Variants in CREBRF observed in about 807,000 individuals in gnomAD.
The protein encoded by CREBRF is CREB3 regulatory factor.
In CREBRF, 5 loss-of-function variants were observed where a neutral mutation model predicts 66.1. The observed-to-expected ratio is 0.08, with a 90% CI of 0.04 to 0.16. The LOEUF is 0.16. Among genes scored for constraint, CREBRF ranks in the 10% least tolerant of loss-of-function variants. CREBRF has a pLI of 1.00. For missense variants in CREBRF, 531 were observed against 744.9 expected (o/e 0.71, Z 3.34); for synonymous variants, 229 against 264.4 (o/e 0.87, Z 1.30).
At chr5:173,057,455 T>G (rs1757105662) in intron 1 of CREBRF, 1 of 152,162 alleles carries the variant, frequency 6.6e-6, no homozygotes, top group Non-Finnish European at 1.5e-5. Flanking sequence ...CCCGCCTTTC[T>G]CCTCACACGA....
At chr5:173,057,877 A>T (rs536436794) in intron 1 of CREBRF, among the ~76,000 whole-genome samples, 1 of 146,534 alleles carries the variant, frequency 6.8e-6, no homozygotes, top group Non-Finnish European at 1.5e-5. Flanking sequence ...TCCTAGTCTT[A>T]GTAGTAATTT....
intron 8 of CREBRF, among the ~76,000 whole-genome samples, 194 bp from the exon 9 acceptor site, chr5:173,133,436 A>T (rs1581057364): frequency 1.3e-5 from 2 of 152,166 alleles, no homozygotes; most frequent in East Asian, 3.8e-4. Context: ...TGACTTTTCT[A>T]ATCTTAAAAT....
chr5:173,073,886 G>A (rs1414735243), intron 1 of CREBRF, among the ~76,000 whole-genome samples: 1 of 152,210 alleles, frequency 6.6e-6, no homozygotes, highest in Admixed American at 6.5e-5. Context: ...AGAATTGCTT[G>A]AACCTGGGAG....
In CREBRF at chr5:173,086,527, T is replaced by C; in HGVS notation, c.36T>C (p.Pro12=). Residue 12 remains proline (P), a synonymous_variant, in exon 3 of 9, where the codon CCT becomes CCC. Coordinates refer to ENST00000296953, the MANE Select transcript of CREBRF (RefSeq NM_153607.3). ...PQPSVSGMDP[P]FGDAFRSHTF... is the part of the protein sequence containing the mutation. The stretch of plus-strand genomic sequence containing the variant: ...CTAGTGTAAGCGGAATGGATCCGCC[T>C]TTCGGGGATGCCTTTCGAAGCCACA... 1 of 1,614,112 alleles carries C rather than the reference T, an allele frequency of 6.2e-7. No individual in the cohort carries two copies. Among genetic ancestry groups the C allele is most frequent in the Non-Finnish European group, 8.5e-7 (1 of 1,179,984 alleles).
intron 4 of CREBRF, among the ~76,000 whole-genome samples, chr5:173,096,158 G>A (rs752813236): frequency 1.2e-3 from 181 of 151,710 alleles, no homozygotes; most frequent in Non-Finnish European, 2.2e-3. Context: ...TTTAGTAGAG[G>A]CGGGGTTTCA....
intron 5 of CREBRF, 169 bp downstream of exon 5, chr5:173,108,987 C>A (rs1054916516): frequency 4.6e-5 from 28 of 609,178 alleles, no homozygotes; most frequent in Admixed American, 1.6e-4. Context: ...TCACAAATAG[C>A]TTTTACCAGT....
chr5:173,078,294 T>C (rs1757831612), intron 1 of CREBRF, among the ~76,000 whole-genome samples: 1 of 152,176 alleles, frequency 6.6e-6, no homozygotes, highest in Admixed American at 6.5e-5. Context: ...TGATGAATGT[T>C]AGATGATTCG....
chr5:173,121,523 C>T (rs1188093043), intron 7 of CREBRF, among the ~76,000 whole-genome samples: 4 of 151,924 alleles, frequency 2.6e-5, no homozygotes, highest in South Asian at 2.1e-4. Flanking sequence ...AGGGTTTCAC[C>T]GTGTTAGCCA....
At chr5:173,060,029 A>G (rs966120425) in intron 1 of CREBRF, among the ~76,000 whole-genome samples, 4 of 152,148 alleles carry the variant, frequency 2.6e-5, no homozygotes, top group African/African-American at 9.7e-5. Context: ...TAGTGTAAGA[A>G]GTAAAGGAAT....
chr5:173,108,650 C>T lies in CREBRF; in HGVS notation c.1249C>T (p.Leu417=), dbSNP rs1758803581. The change falls in exon 5 of 9, where the codon CTG becomes TTG. Residue 417 remains leucine (L), a synonymous_variant. Transcript: ENST00000296953. Reference sequence around the variant, plus strand: ...CTATGAAAATGATTCTGTAGAAGACCTGAAGGAGGTGACTTCAATATCTTC... The same window carrying T: ...CTATGAAAATGATTCTGTAGAAGACTTGAAGGAGGTGACTTCAATATCTTC... ...PGYENDSVED[L]KEVTSISSRK... 1 of 1,611,942 alleles carries T rather than the reference C, an allele frequency of 6.2e-7. No homozygotes were observed. The highest frequency in any genetic ancestry group is 8.5e-7 in the Non-Finnish European group (1 of 1,179,484).
Position 173,136,800 on chromosome 5 carries a change from A to T in CREBRF, c.*3055A>T, listed in dbSNP as rs999869676. Reference sequence around the variant, plus strand: ...ATTTTTGGGTGAAGATCATTAGAGAAGAGTTCTCTAAAGGTTTTCTGTGTT... The same window carrying T: ...ATTTTTGGGTGAAGATCATTAGAGATGAGTTCTCTAAAGGTTTTCTGTGTT... On this transcript the variant is annotated 3_prime_UTR_variant, in exon 9 of 9. Transcript: ENST00000296953. 6 of 152,568 alleles carry T rather than the reference A, an allele frequency of 3.9e-5. No homozygotes were observed. The highest frequency in any genetic ancestry group is 1.4e-4 in the African/African-American group (6 of 41,568). 9.5% of individuals were successfully genotyped at this position (152,568 alleles called of 1,614,324 possible).
At chr5:173,119,680 T>C (rs1007792570) in intron 7 of CREBRF, among the ~76,000 whole-genome samples, 1 of 152,190 alleles carries the variant, frequency 6.6e-6, no homozygotes, top group Non-Finnish European at 1.5e-5. Context: ...AGAGTGGTGA[T>C]TGCCTTGTTT....
At chr5:173,102,254 C>T (rs1758646125) in intron 4 of CREBRF, among the ~76,000 whole-genome samples, 1 of 152,192 alleles carries the variant, frequency 6.6e-6, no homozygotes, top group African/African-American at 2.4e-5. Context: ...AATTTTCTTC[C>T]TTTGCTAGTG....
chr5:173,103,777 G>T (rs1046250112), intron 4 of CREBRF, among the ~76,000 whole-genome samples: 3 of 152,182 alleles, frequency 2.0e-5, no homozygotes, highest in Admixed American at 2.0e-4. Context: ...CACAGAATGA[G>T]AATTTATTTT....
intron 2 of CREBRF, chr5:173,085,592 T>A: frequency 1.8e-6 from 1 of 553,876 alleles, no homozygotes; most frequent in Non-Finnish European, 3.2e-6. Context: ...AATTTTTGTG[T>A]TTTTAGTAGA....
chr5:173,127,162 C>CTTTTT (rs70984944), intron 8 of CREBRF, among the ~76,000 whole-genome samples: 1 of 114,756 alleles, frequency 8.7e-6, no homozygotes, highest in African/African-American at 3.3e-5. Context: ...GTTTCTTTTT[C>CTTTTT]TTTTTTTTTT....
intron 6 of CREBRF, among the ~76,000 whole-genome samples, chr5:173,111,123 A>G (rs1378602059): frequency 1.3e-5 from 2 of 152,202 alleles, no homozygotes; most frequent in African/African-American, 2.4e-5. Context: ...CATCTTAAAA[A>G]GTTTCCTTAT....
intron 7 of CREBRF, 107 bp downstream of exon 7, chr5:173,112,486 G>C: frequency 1.4e-6 from 1 of 713,662 alleles, no homozygotes; most frequent in Non-Finnish European, 2.3e-6. Context: ...CCTAGTTTTT[G>C]GCTAGCCTCC....
At chr5:173,132,844 C>A (rs183902411) in intron 8 of CREBRF, among the ~76,000 whole-genome samples, 1 of 150,232 alleles carries the variant, frequency 6.7e-6, no homozygotes, top group African/African-American at 2.5e-5. Flanking sequence ...GGTGATCTGC[C>A]GACCTCAGGT....
Sources: allele counts gnomAD v4.1 joint callset (sites outside exome capture counted in the v4.1 genomes callset), GRCh38; gene constraint gnomAD v4.1.1; transcripts MANE v1.5; gene names NCBI Gene and HGNC (gene_info 2026-07-23, HGNC 2026-07-21).